Variants in P4HTM observed in about 807,000 individuals in gnomAD.
The protein encoded by P4HTM is prolyl 4-hydroxylase, transmembrane, also known as transmembrane prolyl 4-hydroxylase.
P4HTM carries 33 observed loss-of-function variants against 55.3 expected under a neutral mutation model. The observed-to-expected ratio is 0.60, with a 90% CI of 0.45 to 0.80. The LOEUF is 0.80. Ranked by LOEUF, P4HTM falls within the 30% of genes least tolerant of loss-of-function variation. P4HTM has a pLI of 0.00. For missense variants in P4HTM, 542 were observed against 696.5 expected (o/e 0.78, Z 2.50); for synonymous variants, 272 against 286.4 (o/e 0.95, Z 0.51).
Position 48,990,626 on chromosome 3 carries a change from C to T in P4HTM, c.354+16C>T. The T allele has an allele frequency of 6.5e-7, 1 of 1,538,296 alleles. No individual in the cohort carries two copies. On this transcript the variant is annotated intron_variant, in intron 1 of 8. Coordinates refer to ENST00000383729, the MANE Select transcript of P4HTM (RefSeq NM_177939.3). The surrounding 1 kb of genome is among the most constrained non-coding windows in gnomAD (Gnocchi z 7.2). ...GGGCATCAAGGTGAGGACCTCCCTGCCCCGCCGCGCTCCAGGCCCTGCACG... is the reference window on the plus strand; with the variant it reads ...GGGCATCAAGGTGAGGACCTCCCTGTCCCGCCGCGCTCCAGGCCCTGCACG...
At chr3:48,995,651 C>T (rs2092943483) in intron 2 of P4HTM, among the ~76,000 whole-genome samples, 1 of 150,968 alleles carries the variant, frequency 6.6e-6, no homozygotes, top group Non-Finnish European at 1.5e-5. Context: ...GGTGTGATCT[C>T]GGCTCACTGC....
intron 2 of P4HTM, among the ~76,000 whole-genome samples, chr3:49,000,232 G>A (rs747942830): frequency 4.6e-5 from 7 of 152,046 alleles, no homozygotes; most frequent in Non-Finnish European, 7.4e-5. Flanking sequence ...TGCTACCTAA[G>A]TATTTTCTGC....
At position 49,002,491 on chromosome 3, in the gene P4HTM, A is replaced by G. The variant is rs759223279; in HGVS notation, c.628-9A>G. ...GGGTCACCCACTGAGGGACCCTCTT[A>G]TGCTTTAGGTTCTGGCCCAGACTCG... On this transcript the variant is annotated splice_polypyrimidine_tract_variant and intron_variant, in intron 3 of 8. Coordinates refer to ENST00000383729, the MANE Select transcript of P4HTM (RefSeq NM_177939.3). This position sits in a 1 kb window ranked among gnomAD's most constrained non-coding sequence, Gnocchi z 4.4. 1.2e-6 allele frequency: 2 copies of G among 1,608,802 alleles called. No individual in the cohort carries two copies. The highest frequency in any genetic ancestry group is 2.2e-5 in the South Asian group (2 of 90,954).
chr3:48,994,065 AG>A (rs2092938566), intron 2 of P4HTM, among the ~76,000 whole-genome samples: 1 of 152,142 alleles, frequency 6.6e-6, no homozygotes, highest in South Asian at 2.1e-4. Context: ...GATGTGTGAG[AG>A]GGAAGAGGGT....
Position 49,005,836 on chromosome 3 carries a change from C to T in P4HTM, c.1133C>T (p.Pro378Leu), listed in dbSNP as rs2092977423. 1 of 1,567,570 alleles carries T rather than the reference C, an allele frequency of 6.4e-7. No individual in the cohort carries two copies. Among genetic ancestry groups the T allele is most frequent in the Admixed American group, 1.9e-5 (1 of 51,286 alleles). The change falls in exon 7 of 9, where the codon CCT becomes CTT. Residue 378 changes from proline (P) to leucine (L), a missense_variant. This residue lies in a region of P4HTM where 536 missense variants were observed against 672.1 expected (regional missense o/e 0.80). Transcript: ENST00000383729. Reference sequence around the variant, plus strand: ...ACTGGTGGGGGCGAGACTGTTTTCCCTGTAGCAGATAACAGAACCTACGAT... The same window carrying T: ...ACTGGTGGGGGCGAGACTGTTTTCCTTGTAGCAGATAACAGAACCTACGAT... ...NVTGGGETVF[P>L]VADNRTYDEM...
intron 2 of P4HTM, among the ~76,000 whole-genome samples, chr3:48,998,697 T>G (rs2106656611): frequency 6.6e-6 from 1 of 152,304 alleles, no homozygotes; most frequent in South Asian, 2.1e-4. Flanking sequence ...CCCTCCCTCT[T>G]GTCCTGAAAG....
At chr3:49,006,208 C>CT (rs1559892600) in intron 8 of P4HTM, 21 bp downstream of exon 8, 1 of 1,602,380 alleles carries the variant, frequency 6.2e-7, no homozygotes, top group Non-Finnish European at 8.5e-7. Flanking sequence ...ATGGCCAGGC[C>CT]TGGGGGGGGT....
At chr3:49,005,599 C>T in intron 6 of P4HTM, 178 bp from the exon 7 acceptor site, 1 of 1,415,414 alleles carries the variant, frequency 7.1e-7, no homozygotes, top group Non-Finnish European at 9.2e-7. Flanking sequence ...CAGTAAGAGA[C>T]TGGGTTTCGG....
Position 48,990,659 on chromosome 3 carries a change from C to T in P4HTM, c.354+49C>T. Reference sequence around the variant, plus strand: ...CGCTCCAGGCCCTGCACGGCTGAGCCCGAGAGGACCGGCGCTCAGCCCGGG... The same window carrying T: ...CGCTCCAGGCCCTGCACGGCTGAGCTCGAGAGGACCGGCGCTCAGCCCGGG... On this transcript the variant is annotated intron_variant, in intron 1 of 8. Coordinates refer to ENST00000383729, the MANE Select transcript of P4HTM (RefSeq NM_177939.3). The surrounding 1 kb of genome is among the most constrained non-coding windows in gnomAD (Gnocchi z 7.2). 1 of 1,488,044 alleles carries T rather than the reference C, an allele frequency of 6.7e-7. No homozygotes were observed. Among genetic ancestry groups the T allele is most frequent in the Non-Finnish European group, 8.9e-7 (1 of 1,118,332 alleles). The allele number at this position is 1,488,044 out of a possible 1,614,324, so 92.2% of individuals were successfully genotyped here.
rs1576607076 is a variant in P4HTM at position 49,002,578 on chromosome 3, G to A, written c.706G>A (p.Ala236Thr). The A allele has an allele frequency of 1.9e-6, 3 of 1,613,380 alleles. No individual in the cohort carries two copies. The highest frequency in any genetic ancestry group is 2.2e-5 in the East Asian group (1 of 44,874). Residue 236 changes from alanine to threonine, a missense_variant, in exon 4 of 9, where the codon GCT becomes ACT. Coordinates refer to ENST00000383729, the MANE Select transcript of P4HTM (RefSeq NM_177939.3). The surrounding 1 kb of genome is among the most constrained non-coding windows in gnomAD (Gnocchi z 4.4). The part of the protein sequence containing the change: ...SIQEMYAAIK[A>T]DPDGDGVLSL... ...TCAGGAGATGTACGCCGCGATCAAGGCTGACCCTGATGGTGACGGTGAGCT... is the reference window on the plus strand; with the variant it reads ...TCAGGAGATGTACGCCGCGATCAAGACTGACCCTGATGGTGACGGTGAGCT...
chr3:48,998,244 G>A (rs2092951380), intron 2 of P4HTM: 1 of 152,376 alleles, frequency 6.6e-6, no homozygotes, highest in Non-Finnish European at 1.5e-5. Flanking sequence ...ATGGCCCAAG[G>A]GGAAGCGTCC....
intron 5 of P4HTM, 131 bp downstream of exon 5, chr3:49,004,391 C>A: frequency 1.0e-6 from 1 of 984,976 alleles, no homozygotes; most frequent in Non-Finnish European, 1.4e-6. Context: ...TTTGTTAGAC[C>A]AGGATTGGGA....
Position 48,990,393 on chromosome 3 carries a change from T to C in P4HTM, c.137T>C (p.Val46Ala), listed in dbSNP as rs1027162953. The change falls in exon 1 of 9, where the codon GTG (valine) becomes GCG (alanine). Residue 46 changes from valine to alanine, a missense_variant. This residue lies in a region of P4HTM where 536 missense variants were observed against 672.1 expected (regional missense o/e 0.80). Coordinates refer to ENST00000383729, the MANE Select transcript of P4HTM (RefSeq NM_177939.3). This position sits in a 1 kb window ranked among gnomAD's most constrained non-coding sequence, Gnocchi z 7.2. ...CTGGGCGACGGCGAGGACGCACCGGTGCGTCCGCTGTGCAAGCCCCGCGGC... is the reference window on the plus strand; with the variant it reads ...CTGGGCGACGGCGAGGACGCACCGGCGCGTCCGCTGTGCAAGCCCCGCGGC... The part of the protein sequence containing the change: ...AGLGDGEDAP[V>A]RPLCKPRGIC... 4 of 1,571,118 alleles carry C rather than the reference T, an allele frequency of 2.5e-6. No individual in the cohort carries two copies. Among genetic ancestry groups the C allele is most frequent in the Non-Finnish European group, 3.4e-6 (4 of 1,163,264 alleles).
Position 49,002,572 on chromosome 3 carries a change from A to C in P4HTM, c.700A>C (p.Ile234Leu). Residue 234 changes from isoleucine to leucine, a missense_variant, in exon 4 of 9, where the codon ATC (isoleucine) becomes CTC (leucine). Coordinates refer to ENST00000383729, the MANE Select transcript of P4HTM (RefSeq NM_177939.3). The surrounding 1 kb of genome is among the most constrained non-coding windows in gnomAD (Gnocchi z 4.4). ...GAGCATTCAGGAGATGTACGCCGCG[A>C]TCAAGGCTGACCCTGATGGTGACGG... ...PESIQEMYAA[I>L]KADPDGDGVL... 6.2e-7 allele frequency: 1 copy of C among 1,613,754 alleles called. No individual in the cohort carries two copies. Among genetic ancestry groups the C allele is most frequent in the Non-Finnish European group, 8.5e-7 (1 of 1,179,666 alleles).
intron 2 of P4HTM, among the ~76,000 whole-genome samples, chr3:48,993,201 C>T (rs2092935865): frequency 6.6e-6 from 1 of 151,388 alleles, no homozygotes; most frequent in African/African-American, 2.4e-5. Flanking sequence ...ACTTGGGAGG[C>T]TGAGGCAGGA....
At chr3:49,005,970 G>T in intron 7 of P4HTM, 94 bp from the exon 8 acceptor site, 1 of 1,550,238 alleles carries the variant, frequency 6.5e-7, no homozygotes, top group Non-Finnish European at 8.8e-7. Flanking sequence ...ATTATTCCTT[G>T]GGCATATCTG....
At chr3:49,004,050 C>G in intron 4 of P4HTM, 48 bp from the exon 5 acceptor site, 1 of 1,521,818 alleles carries the variant, frequency 6.6e-7, no homozygotes, top group South Asian at 1.2e-5. Flanking sequence ...GCCACTGTTG[C>G]CTCCCAATAT....
chr3:49,001,761 A>G (rs913690470), intron 3 of P4HTM, 133 bp downstream of exon 3: 1 of 744,112 alleles, frequency 1.3e-6, no homozygotes, highest in Non-Finnish European at 2.2e-6. Flanking sequence ...GGGCATGCCC[A>G]GACCCAGGAG....
intron 2 of P4HTM, among the ~76,000 whole-genome samples, chr3:49,000,315 C>T (rs1229742152): frequency 2.0e-5 from 3 of 152,000 alleles, no homozygotes; most frequent in East Asian, 3.9e-4. Flanking sequence ...CTTTTGAGCC[C>T]GAGGTGGAAG....
Sources: allele counts gnomAD v4.1 joint callset (sites outside exome capture counted in the v4.1 genomes callset), GRCh38; gene constraint gnomAD v4.1.1; regional missense constraint gnomAD v4.1.1; non-coding constraint Gnocchi (gnomAD v3.1); transcripts MANE v1.5; gene names NCBI Gene and HGNC (gene_info 2026-07-23, HGNC 2026-07-21).